RBFOX1: variants seen among roughly 807,000 people sequenced by gnomAD.
RBFOX1 encodes the protein RNA binding fox-1 homolog 1, also known as RNA binding protein fox-1 homolog 1.
Under a neutral mutation model 57.7 loss-of-function variants are expected in RBFOX1, and 8 were observed. That is an observed-to-expected ratio of 0.14 (90% CI 0.08 to 0.25). RBFOX1 has a LOEUF of 0.25. RBFOX1 is among the 10% of genes least tolerant of loss of function. The probability of loss-of-function intolerance (pLI) is 1.00; values close to 1 mark genes in which losing one functional copy is unlikely to be tolerated. For missense variants in RBFOX1, 611 were observed against 548.5 expected, an observed-to-expected ratio of 1.11 and a Z score of -1.14; for synonymous variants, 326 against 222.4, an observed-to-expected ratio of 1.47 and a Z score of -4.15.
chr16:6,447,174 T>C (rs1466150577), intron 2 of RBFOX1, among the ~76,000 whole-genome samples: 2 of 152,200 alleles, frequency 1.3e-5, no homozygotes, highest in Non-Finnish European at 2.9e-5. Flanking sequence ...CGTTGCATTA[T>C]GTACATTTCC....
At chr16:6,454,695 G>C (rs1206872964) in intron 2 of RBFOX1, among the ~76,000 whole-genome samples, 1 of 152,096 alleles carries the variant, frequency 6.6e-6, no homozygotes, top group Non-Finnish European at 1.5e-5. Context: ...GGGAGGTGTT[G>C]ATAGAGTGAC....
chr16:6,355,310 A>T (rs113148087), intron 2 of RBFOX1, among the ~76,000 whole-genome samples: 2 of 151,590 alleles, frequency 1.3e-5, no homozygotes, highest in African/African-American at 4.9e-5. Context: ...ACAGGCCCCA[A>T]TGTGTGATGT....
intron 4 of RBFOX1, among the ~76,000 whole-genome samples, chr16:7,189,249 C>A (rs9926850): frequency 0.26 from 38,579 of 151,238 alleles, 5,427 homozygotes; most frequent in African/African-American, 0.38. Flanking sequence ...CACAGTGAAA[C>A]CCCATCTCTA....
At chr16:7,372,123 A>G (rs1488562037) in intron 4 of RBFOX1, among the ~76,000 whole-genome samples, 1 of 152,180 alleles carries the variant, frequency 6.6e-6, no homozygotes, top group Non-Finnish European at 1.5e-5. Context: ...TTGGTGTCTC[A>G]TAACTTCCAT....
chr16:7,236,561 A>G (rs1044816149), intron 4 of RBFOX1, among the ~76,000 whole-genome samples: 7 of 152,202 alleles, frequency 4.6e-5, no homozygotes, highest in Admixed American at 1.3e-4. Context: ...AATTACTGTC[A>G]GATGAACTGA....
At chr16:5,804,850 C>A (rs573569152) in intron 3 of RBFOX1, among the ~76,000 whole-genome samples, 1 of 150,604 alleles carries the variant, frequency 6.6e-6, no homozygotes, top group South Asian at 2.1e-4. Context: ...TAAATGAGGC[C>A]CTCCTTGTTG....
At chr16:5,640,673 TAC>T (rs2048834369) in intron 3 of RBFOX1, among the ~76,000 whole-genome samples, 1 of 147,252 alleles carries the variant, frequency 6.8e-6, no homozygotes, top group Non-Finnish European at 1.5e-5. Flanking sequence ...CATACATGCA[TAC>T]ACACAAGCAC....
intron 11 of RBFOX1, among the ~76,000 whole-genome samples, chr16:7,634,802 A>G (rs1200515552): frequency 6.6e-6 from 1 of 152,198 alleles, no homozygotes; most frequent in Non-Finnish European, 1.5e-5. Flanking sequence ...TACACGTCCT[A>G]ATAAACTACT....
intron 1 of RBFOX1, among the ~76,000 whole-genome samples, chr16:5,278,221 C>G (rs917906835): frequency 6.6e-6 from 1 of 152,124 alleles, no homozygotes; most frequent in African/African-American, 2.4e-5. Context: ...GATGATATCT[C>G]TTTGTGGTTT....
chr16:6,279,514 A>T (rs1197564578), intron 1 of RBFOX1, among the ~76,000 whole-genome samples: 1 of 152,180 alleles, frequency 6.6e-6, no homozygotes, highest in Non-Finnish European at 1.5e-5. Flanking sequence ...TGGAAACTTT[A>T]AACAATTGGG....
At chr16:6,629,960 T>C (rs1357102250) in intron 2 of RBFOX1, among the ~76,000 whole-genome samples, 2 of 60,984 alleles carry the variant, frequency 3.3e-5, no homozygotes, top group African/African-American at 1.2e-4. Flanking sequence ...TTTCGGTAGG[T>C]TTTTTTTTTT....
At chr16:5,697,725 G>A (rs1286007332) in intron 3 of RBFOX1, among the ~76,000 whole-genome samples, 1 of 151,624 alleles carries the variant, frequency 6.6e-6, no homozygotes, top group African/African-American at 2.4e-5. Flanking sequence ...GTAGAGAAGG[G>A]TTATCTGCAT....
At chr16:5,912,109 A>G (rs2058615599) in intron 4 of RBFOX1, among the ~76,000 whole-genome samples, 1 of 152,140 alleles carries the variant, frequency 6.6e-6, no homozygotes, top group Admixed American at 6.5e-5. Context: ...GCATTTGGGG[A>G]TTGGACAGAC....
chr16:6,607,441 T>G (rs1401011357), intron 2 of RBFOX1, among the ~76,000 whole-genome samples: 1 of 149,736 alleles, frequency 6.7e-6, no homozygotes, highest in African/African-American at 2.5e-5. Flanking sequence ...TCTCTCGCTC[T>G]CTATCTCTCT....
At chr16:6,922,098 C>T (rs1597304264) in intron 3 of RBFOX1, among the ~76,000 whole-genome samples, 1 of 152,164 alleles carries the variant, frequency 6.6e-6, no homozygotes, top group South Asian at 2.1e-4. Context: ...TTAGCATCTA[C>T]AACTTTCTTC....
chr16:6,617,949 G>C (rs1269950280), intron 2 of RBFOX1, among the ~76,000 whole-genome samples: 1 of 152,112 alleles, frequency 6.6e-6, no homozygotes, highest in Non-Finnish European at 1.5e-5. Context: ...GGTGGTGTTG[G>C]TGCATGCTGG....
intron 4 of RBFOX1, among the ~76,000 whole-genome samples, chr16:7,209,439 A>T (rs967365679): frequency 4.6e-5 from 7 of 152,168 alleles, no homozygotes; most frequent in African/African-American, 1.2e-4. Context: ...TTACCTTTTT[A>T]AAAGCCCCTG....
At chr16:5,712,395 G>T (rs138350221) in intron 3 of RBFOX1, among the ~76,000 whole-genome samples, 2 of 152,332 alleles carry the variant, frequency 1.3e-5, no homozygotes, top group Non-Finnish European at 2.9e-5. Flanking sequence ...TTCAGCAGCT[G>T]GTTGGCATTA....
intron 3 of RBFOX1, among the ~76,000 whole-genome samples, chr16:6,994,261 A>G (rs1394328953): frequency 2.6e-5 from 4 of 152,194 alleles, no homozygotes; most frequent in African/African-American, 9.7e-5. Flanking sequence ...AGTTTTATCT[A>G]ATGGAATTCT....
Sources: allele counts gnomAD v4.1 joint callset (sites outside exome capture counted in the v4.1 genomes callset), GRCh38; gene constraint gnomAD v4.1.1; transcripts MANE v1.5; gene names NCBI Gene and HGNC (gene_info 2026-07-23, HGNC 2026-07-21).